Variants in ADAMTSL3 observed in about 807,000 individuals in gnomAD.
ADAMTSL3 encodes the protein ADAMTS like 3.
Under a neutral mutation model 201.7 loss-of-function variants are expected in ADAMTSL3, and 128 were observed. That is an observed-to-expected ratio of 0.63 (90% confidence interval 0.55 to 0.73). The LOEUF is 0.73. Ranked by LOEUF, ADAMTSL3 falls within the 30% of genes least tolerant of loss-of-function variation. The pLI is 0.00. For missense variants in ADAMTSL3, 1,990 were observed against 2,119.6 expected (o/e 0.94, Z 1.20); for synonymous variants, 738 against 748.4 (o/e 0.99, Z 0.23).
chr15:83,976,650 C>G (rs541426813), intron 20 of ADAMTSL3, among the ~76,000 whole-genome samples: 3 of 151,930 alleles, frequency 2.0e-5, no homozygotes, highest in African/African-American at 7.2e-5. Flanking sequence ...CAACCTAGAT[C>G]CCTCACGTGC....
intron 7 of ADAMTSL3, among the ~76,000 whole-genome samples, chr15:83,841,458 A>C (rs1321097233): frequency 6.6e-6 from 1 of 152,178 alleles, no homozygotes; most frequent in Non-Finnish European, 1.5e-5. Context: ...TTTCACTTCC[A>C]TGGGTATCTT....
intron 4 of ADAMTSL3, among the ~76,000 whole-genome samples, chr15:83,795,270 C>T (rs890407868): frequency 3.6e-5 from 4 of 109,812 alleles, no homozygotes; most frequent in Non-Finnish European, 7.6e-5. Context: ...GCAGCAACAA[C>T]AACAACAACA....
At chr15:83,975,293 C>T (rs989945560) in intron 20 of ADAMTSL3, among the ~76,000 whole-genome samples, 1 of 152,090 alleles carries the variant, frequency 6.6e-6, no homozygotes, top group South Asian at 2.1e-4. Context: ...TGAGCCACTG[C>T]ACCTGGCCAG....
At chr15:83,881,633 T>A (rs1305151157) in intron 9 of ADAMTSL3, among the ~76,000 whole-genome samples, 1 of 151,976 alleles carries the variant, frequency 6.6e-6, no homozygotes, top group Non-Finnish European at 1.5e-5. Context: ...GGCAGGTGGA[T>A]CACCTGCTGT....
At chr15:83,885,319 C>G in intron 10 of ADAMTSL3, 107 bp downstream of exon 10, 2 of 827,448 alleles carry the variant, frequency 2.4e-6, no homozygotes, top group Non-Finnish European at 4.0e-6. Flanking sequence ...TTAGAGATGT[C>G]TCATCACACA....
chr15:83,931,663 C>G (rs1426790144), intron 17 of ADAMTSL3, among the ~76,000 whole-genome samples: 1 of 152,056 alleles, frequency 6.6e-6, no homozygotes. Context: ...GTTCCAAATA[C>G]AGATCAATGG....
At chr15:83,701,726 G>C (rs2061780652) in intron 2 of ADAMTSL3, among the ~76,000 whole-genome samples, 1 of 152,050 alleles carries the variant, frequency 6.6e-6, no homozygotes, top group Admixed American at 6.6e-5. Context: ...ATGATTCTGA[G>C]GCCTCCCCAG....
chr15:83,669,388 C>T (rs1019109317), intron 2 of ADAMTSL3, among the ~76,000 whole-genome samples: 6 of 129,752 alleles, frequency 4.6e-5, no homozygotes, highest in African/African-American at 1.3e-4. Flanking sequence ...TTGTGATCTG[C>T]CCGCATCGGC....
chr15:83,835,151 G>A (rs1374034894), intron 6 of ADAMTSL3, among the ~76,000 whole-genome samples: 4 of 150,070 alleles, frequency 2.7e-5, no homozygotes, highest in Non-Finnish European at 5.9e-5. Flanking sequence ...GGAAAATGGC[G>A]TGAACCCAGG....
chr15:83,800,068 G>A (rs1048523758), intron 4 of ADAMTSL3, among the ~76,000 whole-genome samples: 18 of 149,884 alleles, frequency 1.2e-4, no homozygotes, highest in African/African-American at 4.6e-4. Flanking sequence ...TGTGTATTAG[G>A]TTGGACAAAG....
intron 16 of ADAMTSL3, among the ~76,000 whole-genome samples, 170 bp from the exon 17 acceptor site, chr15:83,923,734 G>A (rs1346193817): frequency 6.6e-6 from 1 of 152,160 alleles, no homozygotes; most frequent in Admixed American, 6.5e-5. Context: ...AGGAGACTTT[G>A]GATAATGCAA....
intron 19 of ADAMTSL3, among the ~76,000 whole-genome samples, chr15:83,945,093 A>C (rs907029128): frequency 6.6e-6 from 1 of 152,166 alleles, no homozygotes; most frequent in Non-Finnish European, 1.5e-5. Context: ...ACTTTCCCTG[A>C]AACCTCAGAA....
chr15:83,772,438 T>A (rs1434511516), intron 3 of ADAMTSL3, among the ~76,000 whole-genome samples: 1 of 152,200 alleles, frequency 6.6e-6, no homozygotes, highest in African/African-American at 2.4e-5. Context: ...TTACTTGTAA[T>A]TTCCCTTCTT....
At chr15:83,718,367 G>A (rs2062048513) in intron 3 of ADAMTSL3, among the ~76,000 whole-genome samples, 1 of 152,106 alleles carries the variant, frequency 6.6e-6, no homozygotes, top group African/African-American at 2.4e-5. Context: ...CTCATCAGAA[G>A]GACTCAGGAA....
intron 9 of ADAMTSL3, among the ~76,000 whole-genome samples, chr15:83,883,574 G>A (rs2065323326): frequency 7.7e-6 from 1 of 130,568 alleles, no homozygotes; most frequent in African/African-American, 2.9e-5. Flanking sequence ...ATGTTTTTTT[G>A]AGACAGAGTC....
chr15:83,814,119 A>G (rs1011773052), intron 5 of ADAMTSL3, among the ~76,000 whole-genome samples: 6 of 152,152 alleles, frequency 3.9e-5, no homozygotes, highest in Non-Finnish European at 5.9e-5. Flanking sequence ...CAGAAGGGAC[A>G]TTTGATGTGA....
intron 7 of ADAMTSL3, among the ~76,000 whole-genome samples, chr15:83,840,433 G>C (rs987301974): frequency 1.2e-4 from 19 of 152,234 alleles, no homozygotes; most frequent in African/African-American, 4.6e-4. Flanking sequence ...AGAATGTATA[G>C]AGGGAAGGAT....
At chr15:83,855,973 T>G (rs2064722347) in intron 7 of ADAMTSL3, among the ~76,000 whole-genome samples, 1 of 152,000 alleles carries the variant, frequency 6.6e-6, no homozygotes, top group Non-Finnish European at 1.5e-5. Flanking sequence ...ATCAGGCCAC[T>G]GCACTCCAGC....
Position 83,942,721 on chromosome 15 carries a change from C to T in ADAMTSL3, c.2243C>T (p.Pro748Leu). 1 of 1,614,030 alleles carries T rather than the reference C, an allele frequency of 6.2e-7. No individual in the cohort carries two copies. Among genetic ancestry groups the T allele is most frequent in the Non-Finnish European group, 8.5e-7 (1 of 1,179,976 alleles). ...APPEECRDEK[P>L]HALQACNQFD... ...CCTGAGGAGTGCCGAGATGAAAAGCCCCATGCTTTACAAGCATGCAATCAG... is the reference window on the plus strand; with the variant it reads ...CCTGAGGAGTGCCGAGATGAAAAGCTCCATGCTTTACAAGCATGCAATCAG... The change falls in exon 18 of 30, where the codon CCC (proline) becomes CTC (leucine). Residue 748 changes from proline to leucine, a missense_variant. Coordinates refer to ENST00000286744, the MANE Select transcript of ADAMTSL3 (RefSeq NM_207517.3).
Sources: allele counts gnomAD v4.1 joint callset (sites outside exome capture counted in the v4.1 genomes callset), GRCh38; gene constraint gnomAD v4.1.1; transcripts MANE v1.5; gene names NCBI Gene and HGNC (gene_info 2026-07-23, HGNC 2026-07-21).